Variants in GPC5 observed in about 807,000 individuals in gnomAD.
GPC5 encodes glypican 5.
A neutral mutation model predicts 53.9 loss-of-function variants in GPC5; 47 were observed. The observed-to-expected ratio is 0.87, with a 90% CI of 0.69 to 1.11. The LOEUF is 1.11. Ranked by LOEUF, GPC5 falls within the 50% of genes most tolerant of loss-of-function variation. The probability of loss-of-function intolerance (pLI) is 0.00; values close to 1 mark genes in which losing one functional copy is unlikely to be tolerated. For synonymous variants in GPC5, 286 were observed against 263.3 expected (o/e 1.09, Z -0.84); for missense variants, 748 against 713.1 (o/e 1.05, Z -0.56).
At chr13:92,258,889 A>G (rs2139138573) in intron 7 of GPC5, among the ~76,000 whole-genome samples, 2 of 152,322 alleles carry the variant, frequency 1.3e-5, no homozygotes, top group South Asian at 4.1e-4. Context: ...GCTGCAGTGT[A>G]CTATGATCAT....
intron 6 of GPC5, among the ~76,000 whole-genome samples, chr13:92,137,453 C>T (rs767703114): frequency 2.6e-5 from 4 of 152,194 alleles, no homozygotes; most frequent in Non-Finnish European, 5.9e-5. Context: ...GTTCTCTCCT[C>T]CAATACAGGA....
chr13:91,981,329 G>C (rs1446888553), intron 6 of GPC5, among the ~76,000 whole-genome samples: 15 of 147,724 alleles, frequency 1.0e-4, no homozygotes, highest in African/African-American at 3.8e-4. Context: ...TCGCTCTGTC[G>C]CCCAGGCTGG....
chr13:91,789,199 C>T (rs1460626198), intron 5 of GPC5, among the ~76,000 whole-genome samples: 1 of 150,120 alleles, frequency 6.7e-6, no homozygotes, highest in Non-Finnish European at 1.5e-5. Flanking sequence ...GGTGACAGAG[C>T]TAAAGTCCAT....
At chr13:91,575,503 C>T (rs2032098080) in intron 2 of GPC5, among the ~76,000 whole-genome samples, 1 of 152,058 alleles carries the variant, frequency 6.6e-6, no homozygotes, top group South Asian at 2.1e-4. Flanking sequence ...CAGAGCTATA[C>T]AAGAAAGTAT....
At chr13:91,977,747 C>G (rs1320433280) in intron 6 of GPC5, among the ~76,000 whole-genome samples, 3 of 152,120 alleles carry the variant, frequency 2.0e-5, no homozygotes, top group Non-Finnish European at 4.4e-5. Flanking sequence ...AAATAATTCT[C>G]ATCTTGTTTT....
intron 7 of GPC5, among the ~76,000 whole-genome samples, chr13:92,406,548 G>C (rs900925526): frequency 6.6e-6 from 1 of 152,130 alleles, no homozygotes; most frequent in Non-Finnish European, 1.5e-5. Context: ...CAGGTGCTCT[G>C]CTCCATTGTG....
At chr13:92,107,716 A>G (rs1038175525) in intron 6 of GPC5, among the ~76,000 whole-genome samples, 4 of 152,162 alleles carry the variant, frequency 2.6e-5, no homozygotes, top group Non-Finnish European at 4.4e-5. Context: ...TGTACCCCAT[A>G]TATGTGAGCA....
At chr13:91,862,004 A>G (rs919874388) in intron 5 of GPC5, among the ~76,000 whole-genome samples, 2 of 151,860 alleles carry the variant, frequency 1.3e-5, no homozygotes, top group African/African-American at 4.8e-5. Context: ...AAATTTTTCT[A>G]TGTACATCAT....
At chr13:92,791,435 G>A (rs892677448) in intron 7 of GPC5, among the ~76,000 whole-genome samples, 3 of 148,252 alleles carry the variant, frequency 2.0e-5, no homozygotes, top group East Asian at 2.2e-4. Context: ...GGGGGGGGGC[G>A]GGGGAGTGGT....
chr13:92,441,379 T>C (rs977432616), intron 7 of GPC5, among the ~76,000 whole-genome samples: 2 of 152,220 alleles, frequency 1.3e-5, no homozygotes, highest in Non-Finnish European at 2.9e-5. Context: ...TTGTTTTGGT[T>C]GCAGTTGCTT....
Position 92,449,921 on chromosome 13 carries a change from C to T in GPC5, c.1561+304932C>T, listed in dbSNP as rs563087328. On this transcript the variant is annotated intron_variant, in intron 7 of 7. Coordinates refer to ENST00000377067, the MANE Select transcript of GPC5 (RefSeq NM_004466.6). Reference sequence around the variant, plus strand: ...TAGTCTAATAAATTAAAAAGCACGGCCCCAAAGAACTTTCTTTCAACCCTT... The same window carrying T: ...TAGTCTAATAAATTAAAAAGCACGGTCCCAAAGAACTTTCTTTCAACCCTT... Among the ~76,000 whole-genome samples, 3 of 152,098 alleles carry T rather than the reference C, an allele frequency of 2.0e-5. No homozygotes were observed. The South Asian group carries it at 6.2e-4, about 32-fold the overall frequency.
At chr13:92,451,200 C>T (rs1878046973) in intron 7 of GPC5, among the ~76,000 whole-genome samples, 1 of 152,138 alleles carries the variant, frequency 6.6e-6, no homozygotes, top group Non-Finnish European at 1.5e-5. Flanking sequence ...AGCAGCTGTT[C>T]TTTAGTGGTA....
chr13:91,651,007 G>A (rs116043729), intron 2 of GPC5, among the ~76,000 whole-genome samples: 3,402 of 152,082 alleles, frequency 0.022, 126 homozygotes, highest in African/African-American at 0.078. Flanking sequence ...TAATTCAAAT[G>A]TCAGGCTGGG....
intron 7 of GPC5, among the ~76,000 whole-genome samples, chr13:92,675,478 T>C (rs1029073630): frequency 2.6e-5 from 4 of 152,100 alleles, no homozygotes; most frequent in African/African-American, 9.6e-5. Context: ...TTGTATGATA[T>C]CATGATACAA....
At chr13:92,853,988 A>AGAT (rs35545189) in intron 7 of GPC5, among the ~76,000 whole-genome samples, 17,674 of 151,940 alleles carry the variant, frequency 0.12, 1,324 homozygotes, top group East Asian at 0.33. Flanking sequence ...ACCATAGATG[A>AGAT]TAGTTGTAGG....
chr13:91,413,804 G>T (rs560799386), intron 1 of GPC5, among the ~76,000 whole-genome samples: 1 of 152,018 alleles, frequency 6.6e-6, no homozygotes. Context: ...CTCTTTCTCC[G>T]CATTTGGAAG....
chr13:91,842,026 C>T (rs141274936), intron 5 of GPC5, among the ~76,000 whole-genome samples: 1 of 152,272 alleles, frequency 6.6e-6, no homozygotes, highest in Non-Finnish European at 1.5e-5. Context: ...TCTGCATAGA[C>T]ACGGCTTTAT....
chr13:91,897,652 T>G (rs2039457153), intron 5 of GPC5, among the ~76,000 whole-genome samples: 1 of 152,148 alleles, frequency 6.6e-6, no homozygotes, highest in African/African-American at 2.4e-5. Flanking sequence ...TGTAAAACTG[T>G]GTTCTCTATA....
chr13:91,898,699 G>A (rs1013093011), intron 5 of GPC5, among the ~76,000 whole-genome samples: 2 of 151,628 alleles, frequency 1.3e-5, no homozygotes, highest in African/African-American at 4.9e-5. Flanking sequence ...AAATCTATTA[G>A]GTTATAGGCC....
Sources: gnomAD v4.1 joint callset for allele counts (sites outside exome capture counted in the v4.1 genomes callset) on GRCh38, gnomAD v4.1.1 for gene constraint, MANE v1.5 for transcripts, NCBI Gene and HGNC (gene_info 2026-07-23, HGNC 2026-07-21) for gene names.